The following NELL2 variants were observed in gnomAD, a reference collection of about 807,000 sequenced individuals.
NELL2 encodes neural EGFL like 2.
In NELL2, 41 loss-of-function variants were observed where a neutral mutation model predicts 109.6. The observed-to-expected ratio is 0.37, with a 90% confidence interval of 0.29 to 0.49. NELL2 has a LOEUF of 0.49. Ranked by LOEUF, NELL2 falls within the 20% of genes least tolerant of loss-of-function variation. The probability of loss-of-function intolerance (pLI) is 0.98; values close to 1 mark genes in which losing one functional copy is unlikely to be tolerated. For synonymous variants in NELL2, 355 were observed against 344.7 expected (o/e 1.03, Z -0.33); for missense variants, 900 against 1,008.3 (o/e 0.89, Z 1.45).
intron 13 of NELL2, among the ~76,000 whole-genome samples, chr12:44,631,716 G>A (rs1196894824): frequency 6.6e-6 from 1 of 152,070 alleles, no homozygotes; most frequent in African/African-American, 2.4e-5. Context: ...TAGATTCTAT[G>A]AAGTATATAA....
Position 44,590,684 on chromosome 12 carries a change from T to G in NELL2, c.1663+16485A>C, listed in dbSNP as rs7965452. Among the ~76,000 whole-genome samples, 1,097 of 152,150 alleles carry G rather than the reference T, an allele frequency of 7.2e-3. 10 individuals are homozygous for G. Among genetic ancestry groups the G allele is most frequent in the African/African-American group, 0.025 (1,023 of 41,524 alleles). On this transcript the variant is annotated intron_variant, in intron 15 of 19. Coordinates refer to ENST00000429094, the MANE Select transcript of NELL2 (RefSeq NM_001145108.2). ...ATAACAACACAGAAGAAAACATAGGTGAAATGCTTCAGGACATTGGTGTAA... is the reference window on the plus strand; with the variant it reads ...ATAACAACACAGAAGAAAACATAGGGGAAATGCTTCAGGACATTGGTGTAA...
chr12:44,523,185 T>C (rs1407624251), intron 17 of NELL2, 106 bp downstream of exon 17: 2 of 1,032,790 alleles, frequency 1.9e-6, no homozygotes, highest in East Asian at 4.9e-5. Flanking sequence ...TGATGGTAGG[T>C]AAGTGGATGT....
intron 13 of NELL2, among the ~76,000 whole-genome samples, chr12:44,614,963 G>C (rs1945765827): frequency 1.3e-5 from 2 of 152,030 alleles, no homozygotes; most frequent in Non-Finnish European, 2.9e-5. Context: ...ATTCAATTTA[G>C]TACATTTTTC....
chr12:44,758,590 T>C (rs1455946690), intron 9 of NELL2, among the ~76,000 whole-genome samples: 1 of 152,208 alleles, frequency 6.6e-6, no homozygotes, highest in African/African-American at 2.4e-5. Context: ...TGTTGCAACA[T>C]GTATTGGGCA....
chr12:44,556,646 C>T (rs1014886661), intron 15 of NELL2, among the ~76,000 whole-genome samples: 2 of 152,188 alleles, frequency 1.3e-5, no homozygotes, highest in Non-Finnish European at 2.9e-5. Context: ...ACTAACCCAG[C>T]TAAGATCCAG....
At chr12:44,702,882 A>G (rs989452365) in intron 12 of NELL2, among the ~76,000 whole-genome samples, 1 of 152,234 alleles carries the variant, frequency 6.6e-6, no homozygotes, top group African/African-American at 2.4e-5. Context: ...ATCATCCTGC[A>G]GCTAAACAGA....
At chr12:44,624,472 C>T (rs141552341) in intron 13 of NELL2, among the ~76,000 whole-genome samples, 17 of 152,172 alleles carry the variant, frequency 1.1e-4, no homozygotes, top group African/African-American at 3.4e-4. Flanking sequence ...CACCCAGCAC[C>T]TCCCTCCTCA....
intron 9 of NELL2, among the ~76,000 whole-genome samples, chr12:44,719,778 A>G (rs1265968300): frequency 6.6e-6 from 1 of 152,152 alleles, no homozygotes; most frequent in African/African-American, 2.4e-5. Context: ...TTAAAAATGT[A>G]TAATAGCAGT....
intron 1 of NELL2, among the ~76,000 whole-genome samples, chr12:44,894,633 A>G (rs557539754): frequency 6.6e-6 from 1 of 152,314 alleles, no homozygotes; most frequent in South Asian, 2.1e-4. Context: ...AAGGAACTCA[A>G]TGATATGTCT....
At chr12:44,826,685 T>C (rs1943720697) in intron 2 of NELL2, among the ~76,000 whole-genome samples, 1 of 152,188 alleles carries the variant, frequency 6.6e-6, no homozygotes, top group Non-Finnish European at 1.5e-5. Flanking sequence ...ACTTGGGTCA[T>C]CATCAAAAGT....
intron 13 of NELL2, among the ~76,000 whole-genome samples, chr12:44,636,339 A>G (rs866747745): frequency 1.3e-5 from 2 of 152,180 alleles, no homozygotes; most frequent in South Asian, 4.1e-4. Flanking sequence ...GAGTGATGAG[A>G]GAGGGCATCC....
chr12:44,642,451 T>C (rs926382405), intron 13 of NELL2, among the ~76,000 whole-genome samples: 1 of 152,180 alleles, frequency 6.6e-6, no homozygotes, highest in Non-Finnish European at 1.5e-5. Context: ...GAATGGTGGA[T>C]GCTAGGAGTA....
chr12:44,628,590 C>T (rs1946346875), intron 13 of NELL2, among the ~76,000 whole-genome samples: 1 of 152,124 alleles, frequency 6.6e-6, no homozygotes. Flanking sequence ...AATGTTCTTC[C>T]CCAGGTTCTT....
At chr12:44,802,705 T>C (rs1321622174) in intron 3 of NELL2, among the ~76,000 whole-genome samples, 1 of 152,108 alleles carries the variant, frequency 6.6e-6, no homozygotes, top group Admixed American at 6.6e-5. Context: ...AAGTTTGTGT[T>C]ACCATTTTTT....
chr12:44,826,868 G>A (rs978178320), intron 2 of NELL2, among the ~76,000 whole-genome samples: 3 of 152,190 alleles, frequency 2.0e-5, no homozygotes, highest in Admixed American at 1.3e-4. Flanking sequence ...CTCCAGGGGC[G>A]GATAAACCCT....
intron 9 of NELL2, among the ~76,000 whole-genome samples, chr12:44,765,157 A>G (rs796694065): frequency 2.0e-5 from 3 of 152,224 alleles, no homozygotes; most frequent in African/African-American, 7.2e-5. Context: ...AAAATTACCA[A>G]TGTTATGAAT....
At chr12:44,916,571 C>T (rs1157663234), upstream of NELL2, among the ~76,000 whole-genome samples, 1 of 152,094 alleles carries the variant, frequency 6.6e-6, no homozygotes, top group Non-Finnish European at 1.5e-5. Context: ...CTAGAGCCAT[C>T]TTTACTCCAT....
intron 15 of NELL2, among the ~76,000 whole-genome samples, chr12:44,592,609 G>C (rs1048305931): frequency 1.3e-5 from 2 of 152,190 alleles, no homozygotes; most frequent in Non-Finnish European, 2.9e-5. Flanking sequence ...ATGGAGGGCT[G>C]TAAGGTGAGA....
chr12:44,646,997 C>G (rs11182596), intron 13 of NELL2, among the ~76,000 whole-genome samples: 76,833 of 151,990 alleles, frequency 0.51, 20,446 homozygotes, highest in East Asian at 0.73. Context: ...GCATATAAAG[C>G]GTTGTAAGCA....
Sources: allele counts gnomAD v4.1 joint callset (sites outside exome capture counted in the v4.1 genomes callset), GRCh38; gene constraint gnomAD v4.1.1; transcripts MANE v1.5; gene names NCBI Gene and HGNC (gene_info 2026-07-23, HGNC 2026-07-21).